PITPNC1: variants seen among roughly 807,000 people sequenced by gnomAD.
PITPNC1 encodes the protein cytoplasmic phosphatidylinositol transfer protein 1.
Under a neutral mutation model 44.7 loss-of-function variants are expected in PITPNC1, and 18 were observed. The ratio of observed to expected loss-of-function variants is 0.40; its 90% confidence interval spans 0.28 to 0.60. PITPNC1 has a LOEUF of 0.60. Among genes scored for constraint, PITPNC1 ranks in the 20% least tolerant of loss-of-function variants. The pLI, the probability that PITPNC1 is intolerant of heterozygous loss-of-function variation, is 0.39. For missense variants in PITPNC1, 290 were observed against 418.4 expected, an observed-to-expected ratio of 0.69 and a Z score of 2.68; for synonymous variants, 141 against 149.6, an observed-to-expected ratio of 0.94 and a Z score of 0.42.
At chr17:67,543,594 G>A (rs984527800) in intron 2 of PITPNC1, among the ~76,000 whole-genome samples, 2 of 151,978 alleles carry the variant, frequency 1.3e-5, no homozygotes, top group Non-Finnish European at 2.9e-5. Flanking sequence ...TGTGTTCATT[G>A]GCCATTTGTA....
intron 1 of PITPNC1, among the ~76,000 whole-genome samples, chr17:67,433,302 T>A (rs2038883269): frequency 6.6e-6 from 1 of 152,194 alleles, no homozygotes; most frequent in East Asian, 1.9e-4. Flanking sequence ...GCTAAGGTCT[T>A]AGCCGCGGGC....
chr17:67,571,142 C>A (rs977955654), intron 4 of PITPNC1, among the ~76,000 whole-genome samples: 1 of 152,212 alleles, frequency 6.6e-6, no homozygotes, highest in Admixed American at 6.5e-5. Context: ...CTTAAAACAA[C>A]ACAAGTGGCT....
chr17:67,680,455 C>T (rs924506608), intron 8 of PITPNC1, among the ~76,000 whole-genome samples: 1 of 152,082 alleles, frequency 6.6e-6, no homozygotes, highest in African/African-American at 2.4e-5. Context: ...CAAAAGTTAG[C>T]TAGGCGTGGT....
intron 2 of PITPNC1, among the ~76,000 whole-genome samples, chr17:67,545,012 T>TA (rs2040658545): frequency 6.6e-6 from 1 of 152,232 alleles, no homozygotes; most frequent in African/African-American, 2.4e-5. Flanking sequence ...ATTTAGTCAT[T>TA]AAAAAAATAC....
chr17:67,538,627 A>AT (rs1042118247), intron 2 of PITPNC1, among the ~76,000 whole-genome samples: 1 of 152,190 alleles, frequency 6.6e-6, no homozygotes, highest in Non-Finnish European at 1.5e-5. Flanking sequence ...AGATAGATAA[A>AT]TTCCAGATTG....
chr17:67,491,786 C>G (rs2039867739), intron 1 of PITPNC1, among the ~76,000 whole-genome samples: 1 of 152,136 alleles, frequency 6.6e-6, no homozygotes, highest in Admixed American at 6.5e-5. Flanking sequence ...GAGCTGTGAT[C>G]ACACTACTGC....
At chr17:67,403,379 G>T (rs776892294) in intron 1 of PITPNC1, among the ~76,000 whole-genome samples, 1 of 152,134 alleles carries the variant, frequency 6.6e-6, no homozygotes, top group Non-Finnish European at 1.5e-5. Context: ...TAAGGTTCTC[G>T]TTAGATATTT....
intron 1 of PITPNC1, among the ~76,000 whole-genome samples, chr17:67,400,981 C>T (rs1032397520): frequency 6.6e-6 from 1 of 151,858 alleles, no homozygotes; most frequent in Non-Finnish European, 1.5e-5. Context: ...GGCTGGGGTG[C>T]GGTGGTGCCA....
intron 1 of PITPNC1, chr17:67,379,166 G>A: frequency 2.0e-6 from 2 of 985,958 alleles, no homozygotes; most frequent in African/African-American, 1.7e-5. Context: ...AGCCAAGCAA[G>A]GCAACGTGAA....
intron 6 of PITPNC1, among the ~76,000 whole-genome samples, chr17:67,664,216 C>A (rs780429506): frequency 6.6e-6 from 1 of 152,150 alleles, no homozygotes. Context: ...CCACCCACCT[C>A]GGCTTCCCAA....
chr17:67,382,531 C>A (rs1385263028), intron 1 of PITPNC1, among the ~76,000 whole-genome samples: 2 of 152,090 alleles, frequency 1.3e-5, no homozygotes, highest in African/African-American at 2.4e-5. Flanking sequence ...AGGAAAAGTT[C>A]CTGAGAGCTG....
At chr17:67,402,502 C>T (rs975779905) in intron 1 of PITPNC1, among the ~76,000 whole-genome samples, 1 of 148,864 alleles carries the variant, frequency 6.7e-6, no homozygotes, top group Non-Finnish European at 1.5e-5. Context: ...CACCCCCCAT[C>T]CCCCGCCCCT....
intron 6 of PITPNC1, among the ~76,000 whole-genome samples, chr17:67,666,439 G>A (rs544810869): frequency 6.6e-6 from 1 of 152,312 alleles, no homozygotes; most frequent in African/African-American, 2.4e-5. Flanking sequence ...GCCAGCAGAA[G>A]CTTCTTAAGG....
Position 67,693,558 on chromosome 17 carries a change from G to T in PITPNC1, c.*670G>T, listed in dbSNP as rs564897717. 2 of 152,406 alleles carry T rather than the reference G, an allele frequency of 1.3e-5. No individual in the cohort carries two copies. The highest frequency in any genetic ancestry group is 4.8e-5 in the African/African-American group (2 of 41,374). The allele number at this position is 152,406 out of a possible 1,614,324, so 9.4% of individuals were successfully genotyped here. On this transcript the variant is annotated 3_prime_UTR_variant, in exon 9 of 9. Coordinates refer to ENST00000581322, the MANE Select transcript of PITPNC1 (RefSeq NM_012417.4). ...AACTTTCCCCTTTTGTGCCCTTGTG[G>T]CCTCAGAAATCCTTAAGAATTGCAT...
intron 1 of PITPNC1, among the ~76,000 whole-genome samples, chr17:67,412,929 T>C (rs1006386800): frequency 6.6e-6 from 1 of 152,266 alleles, no homozygotes; most frequent in Non-Finnish European, 1.5e-5. Flanking sequence ...AGTTACTTTC[T>C]AGTTCTTATC....
At chr17:67,584,749 G>C (rs944403503) in intron 5 of PITPNC1, among the ~76,000 whole-genome samples, 1 of 152,142 alleles carries the variant, frequency 6.6e-6, no homozygotes, top group South Asian at 2.1e-4. Context: ...ACCATTTGCT[G>C]TTCAACAAGT....
chr17:67,620,652 G>A (rs1031010165), intron 5 of PITPNC1, among the ~76,000 whole-genome samples: 3 of 152,032 alleles, frequency 2.0e-5, no homozygotes, highest in African/African-American at 4.8e-5. Context: ...TCCCCTCTGC[G>A]CCAAAGGCCT....
At chr17:67,476,188 C>CTTTTT (rs10633927) in intron 1 of PITPNC1, among the ~76,000 whole-genome samples, 10 of 137,700 alleles carry the variant, frequency 7.3e-5, no homozygotes, top group South Asian at 2.3e-4. Flanking sequence ...TCTTTCTTTT[C>CTTTTT]TTTTTTTTTT....
intron 6 of PITPNC1, among the ~76,000 whole-genome samples, chr17:67,664,904 CAAAAA>C (rs541838718): frequency 1.1e-5 from 1 of 91,610 alleles, no homozygotes. Flanking sequence ...GACTCCATCT[CAAAAA>C]AAAAAAAAAA....
Sources: allele counts gnomAD v4.1 joint callset (sites outside exome capture counted in the v4.1 genomes callset), GRCh38; gene constraint gnomAD v4.1.1; transcripts MANE v1.5; gene names NCBI Gene and HGNC (gene_info 2026-07-23, HGNC 2026-07-21).